Variants in CALN1 observed in about 807,000 individuals in gnomAD.
CALN1 encodes calcium-binding protein 8.
Under a neutral mutation model 30.6 loss-of-function variants are expected in CALN1, and 17 were observed. That is an observed-to-expected ratio of 0.56 (90% CI 0.38 to 0.83). The LOEUF is 0.83. Ranked by LOEUF, CALN1 falls within the 40% of genes least tolerant of loss-of-function variation. The pLI is 0.00. For missense variants in CALN1, 291 were observed against 354.9 expected, an observed-to-expected ratio of 0.82 and a Z score of 1.45; for synonymous variants, 156 against 131.4, an observed-to-expected ratio of 1.19 and a Z score of -1.28.
At chr7:72,304,425 C>T (rs1004776231) in intron 2 of CALN1, among the ~76,000 whole-genome samples, 1 of 152,070 alleles carries the variant, frequency 6.6e-6, no homozygotes, top group Non-Finnish European at 1.5e-5. Flanking sequence ...GGGGGATTGC[C>T]TGAGCCCAGG....
intron 3 of CALN1, among the ~76,000 whole-genome samples, chr7:72,221,082 C>T (rs1793252736): frequency 6.6e-6 from 1 of 152,020 alleles, no homozygotes; most frequent in Admixed American, 6.6e-5. Context: ...CTTTTGTTGC[C>T]ATTGCTTTTG....
chr7:72,435,922 T>C (rs1004455701), intron 1 of CALN1, among the ~76,000 whole-genome samples: 22 of 152,262 alleles, frequency 1.4e-4, no homozygotes, highest in African/African-American at 5.1e-4. Context: ...AAGAGGAACC[T>C]TGAGTCTCAC....
At chr7:72,379,013 T>C (rs929136478) in intron 2 of CALN1, among the ~76,000 whole-genome samples, 11 of 152,246 alleles carry the variant, frequency 7.2e-5, no homozygotes, top group African/African-American at 2.4e-4. Flanking sequence ...TTTAGAATGT[T>C]AAACCAACTT....
At chr7:72,169,770 A>G (rs941796958) in intron 3 of CALN1, among the ~76,000 whole-genome samples, 2 of 149,332 alleles carry the variant, frequency 1.3e-5, no homozygotes, top group African/African-American at 2.5e-5. Flanking sequence ...GCTCACTGCA[A>G]CTTCCACCTC....
At chr7:71,973,681 T>C (rs902248124) in intron 5 of CALN1, among the ~76,000 whole-genome samples, 7 of 151,858 alleles carry the variant, frequency 4.6e-5, no homozygotes, top group African/African-American at 1.7e-4. Flanking sequence ...ATTTTAGATT[T>C]GGCACATTTA....
intron 3 of CALN1, among the ~76,000 whole-genome samples, chr7:72,253,431 A>G (rs1298153252): frequency 6.6e-6 from 1 of 152,192 alleles, no homozygotes. Context: ...AGACTGGGTA[A>G]TTTATAAAGG....
chr7:72,284,851 G>A (rs1049061813), intron 2 of CALN1, among the ~76,000 whole-genome samples: 1 of 152,080 alleles, frequency 6.6e-6, no homozygotes, highest in African/African-American at 2.4e-5. Context: ...AGAGATATAT[G>A]ATAGATGATG....
intron 5 of CALN1, among the ~76,000 whole-genome samples, chr7:71,995,383 A>G (rs560824568): frequency 7.2e-5 from 11 of 152,348 alleles, no homozygotes; most frequent in Non-Finnish European, 1.6e-4. Context: ...TCTTTGTTAG[A>G]AAAGAAATTA....
the CALN1 span, among the ~76,000 whole-genome samples, chr7:72,485,647 G>C: frequency 0.47 from 71,569 of 151,726 alleles, 18,017 homozygotes; most frequent in East Asian, 0.7. Flanking sequence ...CCAGGCGGCA[G>C]ACCACCTGAG....
chr7:71,925,299 A>G (rs933289856), intron 5 of CALN1, among the ~76,000 whole-genome samples: 4 of 151,924 alleles, frequency 2.6e-5, no homozygotes, highest in African/African-American at 9.7e-5. Flanking sequence ...AAAGAAAAGA[A>G]AAGAAAGAAG....
Position 72,118,130 on chromosome 7 carries a change from A to G in CALN1, c.245-11836T>C, listed in dbSNP as rs968189970. 7.9e-5 allele frequency among the ~76,000 whole-genome samples: 12 copies of G among 152,054 alleles called. 1 individual carries two copies. Among genetic ancestry groups the G allele is most frequent in the Non-Finnish European group, 1.3e-4 (9 of 68,014 alleles). On this transcript the variant is annotated intron_variant, in intron 3 of 6. Transcript: ENST00000395275. ...GCATGTCACATTCCTGGCCTTTCTC[A>G]TTACCTCATAGCCAAAACCACATTT... is the stretch of plus-strand genomic sequence containing the variant.
At chr7:71,934,560 G>C (rs1354311561) in intron 5 of CALN1, among the ~76,000 whole-genome samples, 1 of 152,158 alleles carries the variant, frequency 6.6e-6, no homozygotes, top group African/African-American at 2.4e-5. Context: ...GAGATGCCAG[G>C]CTCTTTTTAA....
intron 2 of CALN1, among the ~76,000 whole-genome samples, chr7:72,322,887 G>A (rs1352933126): frequency 6.6e-6 from 1 of 151,638 alleles, no homozygotes; most frequent in Non-Finnish European, 1.5e-5. Flanking sequence ...ATTACACACT[G>A]CATGCCTGTA....
Position 72,400,527 on chromosome 7 carries a change from G to C in CALN1, c.119+2724C>G, listed in dbSNP as rs533270912. Among the ~76,000 whole-genome samples, 8 of 152,274 alleles carry C rather than the reference G, an allele frequency of 5.3e-5. No individual in the cohort carries two copies. In the South Asian group the frequency reaches 1.7e-3, roughly 32 times the overall value. ...CTAGCTCTTGTTCCCTCCAGAATCT[G>C]ATCAGTAAACTGATGGGAGCAGAGG... On this transcript the variant is annotated intron_variant, in intron 2 of 6. Transcript: ENST00000395275.
At chr7:72,489,455 G>A in the CALN1 span, among the ~76,000 whole-genome samples, 6 of 152,094 alleles carry the variant, frequency 3.9e-5, no homozygotes, top group African/African-American at 1.4e-4. Flanking sequence ...TATGAAGTGT[G>A]AGGGATCAAG....
intron 2 of CALN1, among the ~76,000 whole-genome samples, chr7:72,385,486 GATAT>G (rs2129561090): frequency 6.6e-6 from 1 of 152,196 alleles, no homozygotes; most frequent in Admixed American, 6.5e-5. Context: ...ATGCCATATT[GATAT>G]GGTTTGGCTT....
intron 5 of CALN1, among the ~76,000 whole-genome samples, chr7:71,995,150 C>A (rs568661376): frequency 6.6e-6 from 1 of 152,068 alleles, no homozygotes; most frequent in African/African-American, 2.4e-5. Flanking sequence ...CTGCGCCTGG[C>A]GCCCCTTCCT....
the CALN1 span, among the ~76,000 whole-genome samples, chr7:72,463,285 C>A: frequency 6.6e-6 from 1 of 152,166 alleles, no homozygotes; most frequent in African/African-American, 2.4e-5. Context: ...CCACACCTGG[C>A]TAATTTCTGT....
intron 2 of CALN1, among the ~76,000 whole-genome samples, chr7:72,390,445 A>T (rs969741272): frequency 1.3e-5 from 2 of 152,158 alleles, no homozygotes; most frequent in Non-Finnish European, 2.9e-5. Context: ...AGTAAAAATT[A>T]AAAAAATAAA....
Sources: allele counts gnomAD v4.1 joint callset (sites outside exome capture counted in the v4.1 genomes callset), GRCh38; gene constraint gnomAD v4.1.1; transcripts MANE v1.5; gene names NCBI Gene and HGNC (gene_info 2026-07-23, HGNC 2026-07-21).